The following KLHL4 variants were observed in gnomAD, a reference collection of about 807,000 sequenced individuals.
KLHL4 encodes kelch like family member 4.
Under a neutral mutation model 45.8 loss-of-function variants are expected in KLHL4, and 17 were observed. The observed-to-expected ratio is 0.37, with a 90% CI of 0.25 to 0.56. The LOEUF (loss-of-function observed/expected upper bound fraction) is 0.56. KLHL4 is among the 20% of genes least tolerant of loss of function. KLHL4 has a pLI of 0.79. For synonymous variants in KLHL4, 224 were observed against 189.9 expected, an observed-to-expected ratio of 1.18 and a Z score of -1.47; for missense variants, 544 against 544.9, an observed-to-expected ratio of 1.00 and a Z score of 0.02.
chrX:87,525,264 G>A (rs1032970408), intron 1 of KLHL4, among the ~76,000 whole-genome samples: 4 of 110,972 alleles, frequency 3.6e-5, no homozygotes, highest in East Asian at 2.8e-4. Flanking sequence ...AGGATTCCAC[G>A]AACACTAATG....
chrX:87,614,463 T>C lies in KLHL4; in HGVS notation c.620T>C (p.Phe207Ser). The change falls in exon 3 of 11, where the codon TTT becomes TCT. Residue 207 changes from phenylalanine (F) to serine (S), a missense_variant. By Grantham distance (155) the Phe-to-Ser change is radical. Coordinates refer to ENST00000373119, the MANE Select transcript of KLHL4 (RefSeq NM_019117.5). ...GTTCTCAGCGCAGTGTCTGATTATT[T>C]TGCTGCAATGTTTACTAATGATGTG... ...RLVLSAVSDY[F>S]AAMFTNDVLE... 1 of 1,209,242 alleles carries C rather than the reference T, an allele frequency of 8.3e-7. No individual in the cohort carries two copies. Among genetic ancestry groups the C allele is most frequent in the Non-Finnish European group, 1.1e-6 (1 of 893,703 alleles).
chrX:87,526,975 G>T (rs114818331), intron 1 of KLHL4, among the ~76,000 whole-genome samples: 1 of 111,627 alleles, frequency 9.0e-6, no homozygotes, highest in Non-Finnish European at 1.9e-5. Context: ...CATTTTACAA[G>T]AAAATTTAAG....
At chrX:87,618,821 T>C (rs988702396) in intron 4 of KLHL4, among the ~76,000 whole-genome samples, 1 of 112,104 alleles carries the variant, frequency 8.9e-6, no homozygotes, top group Non-Finnish European at 1.9e-5. Context: ...TTGAATGAAC[T>C]TCTTTATGTC....
At position 87,632,300 on chromosome X, in the gene KLHL4, C is replaced by T; in HGVS notation, c.1415C>T (p.Ala472Val). ...MNGRRLQFGV[A>V]VIDNKLYVVG... is the part of the protein sequence containing the mutation. ...GGCCGTAGGCTTCAATTTGGAGTCG[C>T]AGTTATTGATAATAAGCTCTATGTC... Residue 472 changes from alanine (A) to valine (V), a missense_variant, in exon 7 of 11, where the codon GCA becomes GTA. By Grantham distance (64) the Ala-to-Val change is moderately conservative (BLOSUM62 0). Transcript: ENST00000373119. 1 of 1,208,162 alleles carries T rather than the reference C, an allele frequency of 8.3e-7. No homozygotes were observed. Among genetic ancestry groups the T allele is most frequent in the Non-Finnish European group, 1.1e-6 (1 of 892,610 alleles).
At chrX:87,622,060 A>G in intron 4 of KLHL4, 151 bp from the exon 5 acceptor site, 1 of 445,840 alleles carries the variant, frequency 2.2e-6, no homozygotes, top group Admixed American at 4.0e-5. Context: ...TACCCATGTC[A>G]CAGGTAGCAG....
chrX:87,588,850 G>A (rs1002293685), intron 1 of KLHL4, among the ~76,000 whole-genome samples: 1 of 109,949 alleles, frequency 9.1e-6, no homozygotes, highest in Non-Finnish European at 1.9e-5. Flanking sequence ...GGAAGAGGAG[G>A]AAGAGGAAGA....
At chrX:87,615,455 C>A (rs5969271) in intron 3 of KLHL4, among the ~76,000 whole-genome samples, 1 of 109,824 alleles carries the variant, frequency 9.1e-6, no homozygotes, top group South Asian at 3.8e-4. Flanking sequence ...AAATAGTTAC[C>A]TTATAACTTA....
intron 1 of KLHL4, among the ~76,000 whole-genome samples, chrX:87,584,902 C>T (rs1232433642): frequency 9.3e-6 from 1 of 107,883 alleles, no homozygotes; most frequent in Non-Finnish European, 1.9e-5. Context: ...AGATTTACCC[C>T]CAAAATGACG....
At position 87,521,112 on chromosome X, in the gene KLHL4, G is replaced by A. The variant is rs771983087; in HGVS notation, c.422+2797G>A. ...AATTCTAAGGAATTGTCAGGAATGG[G>A]GACCATGCCCTTATTTTACCTGTTG... On this transcript the variant is annotated intron_variant, in intron 1 of 10. Coordinates refer to ENST00000373119, the MANE Select transcript of KLHL4 (RefSeq NM_019117.5). Among the ~76,000 whole-genome samples, 8 of 111,680 alleles carry A rather than the reference G, an allele frequency of 7.2e-5. No individual in the cohort carries two copies. The South Asian group carries it at 2.2e-3, about 31-fold the overall frequency.
At chrX:87,598,470 C>A (rs182143173) in intron 1 of KLHL4, among the ~76,000 whole-genome samples, 2 of 111,257 alleles carry the variant, frequency 1.8e-5, no homozygotes, top group African/African-American at 6.5e-5. Context: ...TTGGTACAAA[C>A]AAATGGTCAT....
chrX:87,624,277 G>A (rs753354389), intron 5 of KLHL4, among the ~76,000 whole-genome samples: 3 of 112,014 alleles, frequency 2.7e-5, no homozygotes, highest in South Asian at 3.7e-4. Context: ...TTTCCTGATC[G>A]TAGTAGTGAT....
intron 3 of KLHL4, among the ~76,000 whole-genome samples, chrX:87,615,263 G>A (rs989108512): frequency 9.9e-5 from 11 of 110,836 alleles, no homozygotes. Context: ...AAAATATGTT[G>A]TAATTTTAAA....
At chrX:87,658,661 C>A (rs916391440) in intron 9 of KLHL4, among the ~76,000 whole-genome samples, 16 of 111,539 alleles carry the variant, frequency 1.4e-4, no homozygotes, top group African/African-American at 3.6e-4. Flanking sequence ...CCAAATTCAT[C>A]AAAGAATCTG....
intron 9 of KLHL4, among the ~76,000 whole-genome samples, chrX:87,658,414 A>T (rs984869499): frequency 1.5e-4 from 17 of 111,386 alleles, no homozygotes; most frequent in African/African-American, 4.9e-4. Flanking sequence ...GCCACCTTCT[A>T]TTGGAGCCAG....
chrX:87,559,603 C>A (rs1198631326), intron 1 of KLHL4, among the ~76,000 whole-genome samples: 1 of 111,611 alleles, frequency 9.0e-6, no homozygotes, highest in Non-Finnish European at 1.9e-5. Context: ...GCAAATTCTT[C>A]TCATATTTAG....
chrX:87,556,774 A>T (rs746582979), intron 1 of KLHL4, among the ~76,000 whole-genome samples: 1 of 69,213 alleles, frequency 1.4e-5, no homozygotes, highest in East Asian at 8.9e-4. Context: ...AAGTGCTACC[A>T]TGTGCCATAT....
chrX:87,568,546 G>A (rs1932269502), intron 1 of KLHL4, among the ~76,000 whole-genome samples: 1 of 109,587 alleles, frequency 9.1e-6, no homozygotes, highest in Admixed American at 9.8e-5. Flanking sequence ...TAAAGCTACA[G>A]TAATCAAAAA....
intron 9 of KLHL4, among the ~76,000 whole-genome samples, chrX:87,657,739 G>C (rs1399320801): frequency 9.0e-6 from 1 of 111,489 alleles, no homozygotes; most frequent in East Asian, 2.8e-4. Flanking sequence ...TAATGTCCCA[G>C]GGAATGTGCT....
chrX:87,525,900 A>G (rs900119336), intron 1 of KLHL4, among the ~76,000 whole-genome samples: 6 of 111,000 alleles, frequency 5.4e-5, no homozygotes, highest in Admixed American at 9.7e-5. Flanking sequence ...CATGCTTTTA[A>G]ATATTACTGT....
Sources: allele counts gnomAD v4.1 joint callset (sites outside exome capture counted in the v4.1 genomes callset), GRCh38; gene constraint gnomAD v4.1.1; transcripts MANE v1.5; gene names NCBI Gene and HGNC (gene_info 2026-07-23, HGNC 2026-07-21).